BSDC1: variants seen among roughly 807,000 people sequenced by gnomAD.
BSDC1 encodes the protein BSD domain containing 1.
A neutral mutation model predicts 56.0 loss-of-function variants in BSDC1; 29 were observed. That is an observed-to-expected ratio of 0.52 (90% CI 0.39 to 0.71). The LOEUF (loss-of-function observed/expected upper bound fraction) is 0.71, where lower values mean the gene tolerates loss of function less well. BSDC1 is among the 30% of genes least tolerant of loss of function. BSDC1 has a pLI of 0.00. For missense variants in BSDC1, 477 were observed against 548.5 expected, an observed-to-expected ratio of 0.87 and a Z score of 1.30; for synonymous variants, 210 against 215.3, an observed-to-expected ratio of 0.98 and a Z score of 0.21.
At chr1:32,368,345 G>A in intron 10 of BSDC1, 102 bp downstream of exon 10, 1 of 1,613,952 alleles carries the variant, frequency 6.2e-7, no homozygotes, top group South Asian at 1.1e-5. Context: ...ACCTCAGACA[G>A]GAGCAGGGAC....
intron 9 of BSDC1, 130 bp from the exon 10 acceptor site, chr1:32,368,680 A>C: frequency 7.7e-7 from 1 of 1,299,938 alleles, no homozygotes; most frequent in Non-Finnish European, 1.0e-6. Context: ...TTTTGTGTTC[A>C]CTCTGGCGCA....
At chr1:32,390,542 C>T (rs541989546) in intron 2 of BSDC1, among the ~76,000 whole-genome samples, 1 of 152,146 alleles carries the variant, frequency 6.6e-6, no homozygotes, top group Non-Finnish European at 1.5e-5. Flanking sequence ...AAGGTGGTAA[C>T]AATGACTTTG....
rs1553162457 is a variant in BSDC1 at position 32,368,700 on chromosome 1, C to CTTTGT, written c.1157-151_1157-150insACAAA. On this transcript the variant is annotated intron_variant, in intron 9 of 10. Transcript: ENST00000455895. ...TGTTCACTCTGGCGCACCAATCGTACTTTTTTTTTTTGTTTTCTTAGATGG... is the reference window on the plus strand; with the variant it reads ...TGTTCACTCTGGCGCACCAATCGTACTTTGTTTTTTTTTTTTGTTTTCTTAGATGG... 178 of 960,312 alleles carry CTTTGT rather than the reference C, an allele frequency of 1.9e-4. No homozygotes were observed. The African/African-American group carries it at 2.6e-3, about 14-fold the overall frequency. The allele number at this position is 960,312 out of a possible 1,614,324, so 59.5% of individuals were successfully genotyped here.
At chr1:32,374,854 G>C (rs954892733) in intron 9 of BSDC1, 23 of 152,284 alleles carry the variant, frequency 1.5e-4, no homozygotes, top group African/African-American at 5.3e-4. Context: ...GTCTCATAAA[G>C]AACAGGTAGG....
intron 2 of BSDC1, 43 bp downstream of exon 2, chr1:32,394,037 C>A (rs1440331546): frequency 3.2e-6 from 5 of 1,583,898 alleles, no homozygotes; most frequent in Non-Finnish European, 3.4e-6. Flanking sequence ...ATTGAGGCGG[C>A]GCAGGGCCCT....
At chr1:32,367,654 C>T (rs1641900362) in intron 10 of BSDC1, 1 of 985,598 alleles carries the variant, frequency 1.0e-6, no homozygotes, top group Non-Finnish European at 1.2e-6. Context: ...TTGGACTGTT[C>T]CAGCCTCTCA....
chr1:32,376,169 C>T (rs986839797), intron 9 of BSDC1, 93 bp downstream of exon 9: 3 of 1,333,118 alleles, frequency 2.3e-6, no homozygotes, highest in Admixed American at 2.7e-5. Context: ...AAAATCTGCT[C>T]ATAGTATCCT....
chr1:32,368,019 GTTTTCTT>G, intron 10 of BSDC1: 10 of 1,168,332 alleles, frequency 8.6e-6, no homozygotes, highest in Non-Finnish European at 1.1e-5. Flanking sequence ...TTTGATGTCT[GTTTTCTT>G]TTTTCCTTTT....
rs1641949831 is a variant in BSDC1 at position 32,368,691 on chromosome 1, C to T, written c.1157-141G>A. 34 of 1,241,440 alleles carry T rather than the reference C, an allele frequency of 2.7e-5. No homozygotes were observed. The South Asian group carries it at 5.0e-4, about 18-fold the overall frequency. The allele number at this position is 1,241,440 out of a possible 1,614,324, so 76.9% of individuals were successfully genotyped here. Reference sequence around the variant, plus strand: ...TACATTTTGTGTTCACTCTGGCGCACCAATCGTACTTTTTTTTTTTGTTTT... The same window carrying T: ...TACATTTTGTGTTCACTCTGGCGCATCAATCGTACTTTTTTTTTTTGTTTT... On this transcript the variant is annotated intron_variant, in intron 9 of 10. Transcript: ENST00000455895.
At chr1:32,382,542 TAGA>T (rs762037617) in intron 4 of BSDC1, among the ~76,000 whole-genome samples, 2 of 151,606 alleles carry the variant, frequency 1.3e-5, no homozygotes, top group Non-Finnish European at 2.9e-5. Flanking sequence ...ATTGTGAATT[TAGA>T]AGAAAACACT....
At chr1:32,381,398 A>T (rs775643138) in intron 4 of BSDC1, 130 bp from the exon 5 acceptor site, 41 of 878,498 alleles carry the variant, frequency 4.7e-5, no homozygotes, top group Non-Finnish European at 7.0e-5. Context: ...CCCCCAGGGC[A>T]TCTGTTAATT....
intron 3 of BSDC1, 68 bp from the exon 4 acceptor site, chr1:32,384,065 A>G (rs775616414): frequency 3.7e-6 from 6 of 1,607,412 alleles, no homozygotes; most frequent in Admixed American, 1.7e-5. Context: ...TATGGGGGTA[A>G]AACATTGGGG....
Position 32,366,306 on chromosome 1 carries a change from CCAG to C in BSDC1, c.*313_*315del. 1 of 550,172 alleles carries C rather than the reference CCAG, an allele frequency of 1.8e-6. No individual in the cohort carries two copies. The highest frequency in any genetic ancestry group is 3.3e-6 in the Non-Finnish European group (1 of 299,678). The allele number at this position is 550,172 out of a possible 1,614,324, so 34.1% of individuals were successfully genotyped here. On this transcript the variant is annotated 3_prime_UTR_variant, in exon 11 of 11. Transcript: ENST00000455895. ...GGCTAGAACTATCCCTTGGGACTTC[CCAG>C]CAGGAGTCCTCAGGAACAGTGGGTG... is the stretch of plus-strand genomic sequence containing the variant.
At chr1:32,368,612 G>A (rs1641945249) in intron 9 of BSDC1, 62 bp from the exon 10 acceptor site, 2 of 1,605,466 alleles carry the variant, frequency 1.2e-6, no homozygotes, top group Non-Finnish European at 1.7e-6. Context: ...CCTGAAGAGG[G>A]TGTAGCTGGG....
chr1:32,372,041 G>T (rs968259783), intron 9 of BSDC1, among the ~76,000 whole-genome samples: 1 of 152,250 alleles, frequency 6.6e-6, no homozygotes, highest in Admixed American at 6.5e-5. Context: ...AGGTACCTGT[G>T]TGTTCTGTGT....
chr1:32,390,920 CAAAACACAA>C (rs1207045134), intron 2 of BSDC1, among the ~76,000 whole-genome samples: 8 of 151,868 alleles, frequency 5.3e-5, no homozygotes, highest in Admixed American at 1.3e-4. Flanking sequence ...CAAAACAAAG[CAAAACACAA>C]CACTAAAGTT....
intron 5 of BSDC1, among the ~76,000 whole-genome samples, chr1:32,380,765 C>T (rs1440084918): frequency 2.6e-5 from 4 of 152,246 alleles, no homozygotes; most frequent in Non-Finnish European, 5.9e-5. Context: ...TCTGCAGAAG[C>T]AGTCATGCTG....
chr1:32,388,805 A>G (rs1642758074), intron 2 of BSDC1, among the ~76,000 whole-genome samples: 1 of 152,094 alleles, frequency 6.6e-6, no homozygotes, highest in Admixed American at 6.5e-5. Flanking sequence ...ACTCTTCAAA[A>G]AAACCAAGTC....
At chr1:32,380,416 C>T (rs1005852600) in intron 5 of BSDC1, among the ~76,000 whole-genome samples, 2 of 152,064 alleles carry the variant, frequency 1.3e-5, no homozygotes, top group African/African-American at 2.4e-5. Flanking sequence ...GAGGCTGAGA[C>T]GGGTGGGTCA....
Sources: allele counts gnomAD v4.1 joint callset (sites outside exome capture counted in the v4.1 genomes callset), GRCh38; gene constraint gnomAD v4.1.1; transcripts MANE v1.5; gene names NCBI Gene and HGNC (gene_info 2026-07-23, HGNC 2026-07-21).